CCDC186: variants seen among roughly 807,000 people sequenced by gnomAD.
CCDC186 encodes the protein coiled-coil domain-containing protein 186.
Under a neutral mutation model 113.7 loss-of-function variants are expected in CCDC186, and 49 were observed. The ratio of observed to expected loss-of-function variants is 0.43; its 90% CI spans 0.34 to 0.55. The LOEUF (loss-of-function observed/expected upper bound fraction) is 0.55, where lower values mean the gene tolerates loss of function less well. Among genes scored for constraint, CCDC186 ranks in the 20% least tolerant of loss-of-function variants. The probability of loss-of-function intolerance (pLI) is 0.02; values close to 1 mark genes in which losing one functional copy is unlikely to be tolerated. For missense variants in CCDC186, 890 were observed against 1,011.1 expected, an observed-to-expected ratio of 0.88 and a Z score of 1.62; for synonymous variants, 355 against 345.8, an observed-to-expected ratio of 1.03 and a Z score of -0.30.
intron 3 of CCDC186, among the ~76,000 whole-genome samples, chr10:114,154,878 T>C (rs76374128): frequency 0.025 from 3,798 of 152,276 alleles, 162 homozygotes; most frequent in African/African-American, 0.087. Flanking sequence ...AATATCTATA[T>C]AATGAACTAC....
In CCDC186 at chr10:114,123,997, C is replaced by G. The variant is rs1297592706; in HGVS notation, c.*1146G>C. On this transcript the variant is annotated 3_prime_UTR_variant, in exon 16 of 16. Coordinates refer to ENST00000369287, the MANE Select transcript of CCDC186 (RefSeq NM_018017.4). ...GAGTAGCTGGAACCATAGGCATGCA[C>G]CACCATGCCTGGATAATCTTTTAAA... is the stretch of plus-strand genomic sequence containing the variant. 1.3e-5 allele frequency: 2 copies of G among 152,126 alleles called. No individual in the cohort carries two copies. Among genetic ancestry groups the G allele is most frequent in the Non-Finnish European group, 2.9e-5 (2 of 68,044 alleles). 9.4% of individuals were successfully genotyped at this position (152,126 alleles called of 1,614,324 possible).
At chr10:114,149,152 G>A (rs938240356) in intron 4 of CCDC186, among the ~76,000 whole-genome samples, 2 of 152,202 alleles carry the variant, frequency 1.3e-5, no homozygotes, top group African/African-American at 4.8e-5. Context: ...TCTTAGGGTT[G>A]TTGTGAAGAT....
At chr10:114,155,151 T>C (rs975869388) in intron 3 of CCDC186, among the ~76,000 whole-genome samples, 2 of 152,194 alleles carry the variant, frequency 1.3e-5, no homozygotes, top group African/African-American at 4.8e-5. Flanking sequence ...TGATGACATG[T>C]TCTAAAATTG....
At position 114,124,354 on chromosome 10, in the gene CCDC186, T is replaced by A. The variant is rs1003747074; in HGVS notation, c.*789A>T. ...GTCAGTAAAACTAAAGTATTTCAGTTTCAAAGAACTATTCTCTCTGTTCTA... is the reference window on the plus strand; with the variant it reads ...GTCAGTAAAACTAAAGTATTTCAGTATCAAAGAACTATTCTCTCTGTTCTA... On this transcript the variant is annotated 3_prime_UTR_variant, in exon 16 of 16. Coordinates refer to ENST00000369287, the MANE Select transcript of CCDC186 (RefSeq NM_018017.4). 1.3e-5 allele frequency: 2 copies of A among 152,178 alleles called. No individual in the cohort carries two copies. The highest frequency in any genetic ancestry group is 2.9e-5 in the Non-Finnish European group (2 of 68,030). 9.4% of individuals were successfully genotyped at this position (152,178 alleles called of 1,614,324 possible).
chr10:114,152,746 T>G (rs777864900), intron 3 of CCDC186, among the ~76,000 whole-genome samples: 1 of 152,140 alleles, frequency 6.6e-6, no homozygotes, highest in African/African-American at 2.4e-5. Flanking sequence ...ATGTTGTCTA[T>G]AGAAGGCATT....
intron 3 of CCDC186, among the ~76,000 whole-genome samples, chr10:114,152,718 G>T (rs1481155244): frequency 1.3e-5 from 2 of 152,078 alleles, no homozygotes; most frequent in Non-Finnish European, 2.9e-5. Flanking sequence ...CTTAATTAAA[G>T]AAACAAGATT....
chr10:114,149,866 C>A (rs150982539), intron 4 of CCDC186, among the ~76,000 whole-genome samples: 53 of 148,804 alleles, frequency 3.6e-4, no homozygotes, highest in African/African-American at 1.1e-3. Context: ...GGAAGGCAGG[C>A]AGGCAGGCAG....
rs1476322533 is a variant in CCDC186, at chr10:114,151,115, C to T, written c.865G>A (p.Glu289Lys). 1.3e-5 allele frequency: 21 copies of T among 1,613,632 alleles called. No individual in the cohort carries two copies. The highest frequency in any genetic ancestry group is 1.6e-5 in the Non-Finnish European group (19 of 1,179,880). Residue 289 changes from glutamate (E) to lysine (K), a missense_variant, in exon 4 of 16, where the codon GAG becomes AAG. Physicochemically the swap from Glu to Lys is moderately conservative, Grantham distance 56 (BLOSUM62 1). Transcript: ENST00000369287. Reference protein sequence around the residue: ...AKNAVQQLHKEMAQRMEQANK... With the variant: ...AKNAVQQLHKKMAQRMEQANK... The stretch of plus-strand genomic sequence containing the variant: ...ACCTGTTCCATCCGTTGGGCCATCT[C>T]TTTGTGTAACTGCTGAACTGCATTT...
rs201786910 is a variant in CCDC186, at chr10:114,134,901, C to T, written c.1655+12G>A. 4.4e-6 allele frequency: 7 copies of T among 1,597,846 alleles called. No individual in the cohort carries two copies. Among genetic ancestry groups the T allele is most frequent in the East Asian group, 4.5e-5 (2 of 44,022 alleles). ...TGCTTATTAATACAAACAGAAGTTGCTCATTTTGTACCTTTGAAGCTGCTC... is the reference window on the plus strand; with the variant it reads ...TGCTTATTAATACAAACAGAAGTTGTTCATTTTGTACCTTTGAAGCTGCTC... On this transcript the variant is annotated intron_variant, in intron 10 of 15. Transcript: ENST00000369287.
At chr10:114,131,447 T>C in intron 11 of CCDC186, 111 bp from the exon 12 acceptor site, 1 of 874,672 alleles carries the variant, frequency 1.1e-6, no homozygotes. Context: ...GATTCTTCTA[T>C]TATTATTCCT....
intron 3 of CCDC186, among the ~76,000 whole-genome samples, chr10:114,153,654 C>T (rs551402249): frequency 4.7e-4 from 71 of 151,710 alleles, no homozygotes; most frequent in Admixed American, 2.0e-3. Context: ...GGCATGGTGG[C>T]GGGTGCCTGT....
chr10:114,138,310 TG>T (rs555574186), intron 6 of CCDC186, among the ~76,000 whole-genome samples: 103,717 of 115,764 alleles, frequency 0.9, 46,256 homozygotes, highest in East Asian at 0.99. Flanking sequence ...TTTTTTTTTT[TG>T]GAGACAGCGT....
At chr10:114,138,222 AGAGT>A (rs1222339938) in intron 6 of CCDC186, among the ~76,000 whole-genome samples, 1 of 151,046 alleles carries the variant, frequency 6.6e-6, no homozygotes, top group Admixed American at 6.6e-5. Context: ...CCTGGGAAAC[AGAGT>A]GAGACTTTGT....
intron 15 of CCDC186, 147 bp from the exon 16 acceptor site, chr10:114,125,373 C>G: frequency 1.8e-6 from 1 of 570,590 alleles, no homozygotes; most frequent in Non-Finnish European, 3.1e-6. Context: ...TAGTGACACA[C>G]AGCTGTTTTC....
rs1160169199 is a variant in CCDC186 at position 114,124,839 on chromosome 10, G to T, written c.*304C>A. On this transcript the variant is annotated 3_prime_UTR_variant, in exon 16 of 16. Coordinates refer to ENST00000369287, the MANE Select transcript of CCDC186 (RefSeq NM_018017.4). ...TAAAGGGAAGAAATATGAACAAAGG[G>T]TTTTTTATAAAAGCCCTTGTAATGT... The T allele has an allele frequency of 1.6e-5, 4 of 251,926 alleles. No homozygotes were observed. Among genetic ancestry groups the T allele is most frequent in the African/African-American group, 6.6e-5 (3 of 45,234 alleles). The allele number at this position is 251,926 out of a possible 1,614,324, so 15.6% of individuals were successfully genotyped here.
rs576242481 is a variant in CCDC186, at chr10:114,120,895, A to G, written c.*4248T>C. The G allele has an allele frequency of 6.6e-6, 1 of 152,328 alleles. No individual in the cohort carries two copies. The highest frequency in any genetic ancestry group is 2.4e-5 in the African/African-American group (1 of 41,572). 9.4% of individuals were successfully genotyped at this position (152,328 alleles called of 1,614,324 possible). ...TAGGCATTACCTATTTAATAAGTAC[A>G]ATATATACATAGAATCCTCTTGAAA... On this transcript the variant is annotated 3_prime_UTR_variant, in exon 16 of 16. Coordinates refer to ENST00000369287, the MANE Select transcript of CCDC186 (RefSeq NM_018017.4).
intron 4 of CCDC186, among the ~76,000 whole-genome samples, chr10:114,146,841 C>CTA (rs2119780137): frequency 6.6e-6 from 1 of 151,736 alleles, no homozygotes; most frequent in East Asian, 2.0e-4. Flanking sequence ...GGGAAAGCTT[C>CTA]TATGCTTTGA....
At position 114,144,492 on chromosome 10, in the gene CCDC186, C is replaced by A. The variant is rs200555312; in HGVS notation, c.1221+5G>T. 1 of 1,612,054 alleles carries A rather than the reference C, an allele frequency of 6.2e-7. No individual in the cohort carries two copies. Among genetic ancestry groups the A allele is most frequent in the East Asian group, 2.2e-5 (1 of 44,752 alleles). On this transcript the variant is annotated splice_donor_5th_base_variant and intron_variant, in intron 6 of 15. Coordinates refer to ENST00000369287, the MANE Select transcript of CCDC186 (RefSeq NM_018017.4). Reference sequence around the variant, plus strand: ...ATCATTATTCCATTGTATTACAGTACGTACCTTGTGTGAATCCATTTCAGC... The same window carrying A: ...ATCATTATTCCATTGTATTACAGTAAGTACCTTGTGTGAATCCATTTCAGC...
chr10:114,155,408 C>T (rs2031981241), intron 3 of CCDC186, among the ~76,000 whole-genome samples: 1 of 152,218 alleles, frequency 6.6e-6, no homozygotes, highest in South Asian at 2.1e-4. Context: ...GGCGCAGTGG[C>T]TCACGCCTGT....
Sources: gnomAD v4.1 joint callset for allele counts (sites outside exome capture counted in the v4.1 genomes callset) on GRCh38, gnomAD v4.1.1 for gene constraint, MANE v1.5 for transcripts, NCBI Gene and HGNC (gene_info 2026-07-23, HGNC 2026-07-21) for gene names.